The following EPG5 variants were observed in gnomAD, a reference collection of about 807,000 sequenced individuals.
The protein encoded by EPG5 is ectopic P-granules 5 autophagy tethering factor.
A neutral mutation model predicts 302.7 loss-of-function variants in EPG5; 159 were observed. The observed-to-expected ratio is 0.53, with a 90% CI of 0.46 to 0.60. The LOEUF (loss-of-function observed/expected upper bound fraction) is 0.60, where lower values mean the gene tolerates loss of function less well. Among genes scored for constraint, EPG5 ranks in the 20% least tolerant of loss-of-function variants. The probability of loss-of-function intolerance (pLI) is 0.00; values close to 1 mark genes in which losing one functional copy is unlikely to be tolerated. For synonymous variants in EPG5, 1,158 were observed against 1,136.8 expected (o/e 1.02, Z -0.37); for missense variants, 2,896 against 3,092.4 (o/e 0.94, Z 1.51).
chr18:45,867,443 G>A, intron 37 of EPG5, 120 bp downstream of exon 37: 3 of 775,850 alleles, frequency 3.9e-6, no homozygotes, highest in Middle Eastern at 5.9e-4. Context: ...CATCTCATAT[G>A]CCAAGCATCT....
intron 2 of EPG5, 65 bp from the exon 3 acceptor site, chr18:45,952,708 G>A: frequency 1.9e-6 from 3 of 1,559,660 alleles, no homozygotes; most frequent in Admixed American, 1.7e-5. Flanking sequence ...TAAGCAGGCA[G>A]CAAGTATAAG....
At chr18:45,928,349 A>C (rs2145802608) in intron 13 of EPG5, among the ~76,000 whole-genome samples, 1 of 152,318 alleles carries the variant, frequency 6.6e-6, no homozygotes, top group Admixed American at 6.5e-5. Flanking sequence ...AAATAGGTAA[A>C]TTGTATGGTA....
At position 45,925,808 on chromosome 18, in the gene EPG5, T is replaced by G. The variant is rs767545552; in HGVS notation, c.2648A>C (p.Asn883Thr). 6.3e-7 allele frequency: 1 copy of G among 1,579,524 alleles called. No homozygotes were observed. The highest frequency in any genetic ancestry group is 1.4e-5 in the African/African-American group (1 of 73,244). The change falls in exon 14 of 44, where the codon AAC becomes ACC. Residue 883 changes from asparagine (N) to threonine (T), a missense_variant. Coordinates refer to ENST00000282041, the MANE Select transcript of EPG5 (RefSeq NM_020964.3). ...CAGTTTATTCTTCACCACTGTCAGG[T>G]TGTAATTCAATAACCAATCCCGAAT... ...AVIRDWLLNY[N>T]LTVVKNKLAC... is the part of the protein sequence containing the mutation.
chr18:45,949,770 A>G (rs1445874432), intron 4 of EPG5, among the ~76,000 whole-genome samples, 179 bp from the exon 5 acceptor site: 2 of 152,268 alleles, frequency 1.3e-5, no homozygotes, highest in African/African-American at 4.8e-5. Context: ...TATGAGTACT[A>G]TGATAACATC....
intron 7 of EPG5, 36 bp from the exon 8 acceptor site, chr18:45,944,155 T>C: frequency 1.5e-6 from 2 of 1,317,740 alleles, no homozygotes; most frequent in Non-Finnish European, 2.2e-6. Flanking sequence ...TCAGCAGATT[T>C]GATCAGATCA....
At chr18:45,833,442 C>T in the EPG5 span, among the ~76,000 whole-genome samples, 37 of 152,102 alleles carry the variant, frequency 2.4e-4, no homozygotes, top group African/African-American at 8.5e-4. Flanking sequence ...CAGCCTCCTG[C>T]ATAGGGATTA....
At chr18:45,800,991 A>C in the EPG5 span, among the ~76,000 whole-genome samples, 1 of 151,970 alleles carries the variant, frequency 6.6e-6, no homozygotes, top group Admixed American at 6.6e-5. Flanking sequence ...ACTTTCTTAA[A>C]TTTTTTTGTT....
chr18:45,855,865 T>A (rs978828554), intron 42 of EPG5, among the ~76,000 whole-genome samples, 178 bp from the exon 43 acceptor site: 1 of 152,194 alleles, frequency 6.6e-6, no homozygotes, highest in African/African-American at 2.4e-5. Flanking sequence ...ATTATCACCA[T>A]CCAAACAATA....
chr18:45,811,001 C>T, the EPG5 span, among the ~76,000 whole-genome samples: 1 of 152,122 alleles, frequency 6.6e-6, no homozygotes, highest in Admixed American at 6.6e-5. Flanking sequence ...TATTGGCATA[C>T]AAGAGACATA....
chr18:45,912,539 A>T (rs1326072157), intron 21 of EPG5, 83 bp from the exon 22 acceptor site: 1 of 1,275,262 alleles, frequency 7.8e-7, no homozygotes, highest in Non-Finnish European at 1.1e-6. Context: ...TCCAACTGAA[A>T]CACCAAACAT....
At chr18:45,898,377 T>C (rs184647187) in intron 27 of EPG5, among the ~76,000 whole-genome samples, 1 of 152,218 alleles carries the variant, frequency 6.6e-6, no homozygotes, top group East Asian at 1.9e-4. Context: ...CCTTGCAGAG[T>C]TGTTGTGAGG....
chr18:45,964,078 A>G (rs2051200535), intron 1 of EPG5, among the ~76,000 whole-genome samples: 1 of 152,242 alleles, frequency 6.6e-6, no homozygotes, highest in South Asian at 2.1e-4. Flanking sequence ...TAACAAAAAA[A>G]AATTAATGTA....
chr18:45,913,641 T>G (rs2049962331), intron 21 of EPG5, 65 bp downstream of exon 21: 3 of 1,584,990 alleles, frequency 1.9e-6, no homozygotes. Context: ...AAGCTACGGG[T>G]GAATCCATCA....
intron 24 of EPG5, among the ~76,000 whole-genome samples, chr18:45,906,087 C>G (rs2049743520): frequency 6.6e-6 from 1 of 152,152 alleles, no homozygotes. Context: ...CCGACTTTGC[C>G]TCATTCCTGA....
chr18:45,916,650 T>C, intron 17 of EPG5, 68 bp from the exon 18 acceptor site: 1 of 1,460,712 alleles, frequency 6.8e-7, no homozygotes, highest in Non-Finnish European at 9.1e-7. Context: ...CCCTAATTAC[T>C]TATGAGGAAA....
chr18:45,944,716 T>C (rs1215702703), intron 7 of EPG5, among the ~76,000 whole-genome samples: 3 of 152,030 alleles, frequency 2.0e-5, no homozygotes, highest in Non-Finnish European at 2.9e-5. Context: ...GATCACACCA[T>C]TGCACTCCAG....
At chr18:45,956,121 C>T (rs1026830702) in intron 1 of EPG5, among the ~76,000 whole-genome samples, 8 of 152,164 alleles carry the variant, frequency 5.3e-5, no homozygotes, top group African/African-American at 1.9e-4. Context: ...GAAGATAATG[C>T]CTTAACCAAA....
the EPG5 span, among the ~76,000 whole-genome samples, chr18:45,837,260 G>T: frequency 6.6e-6 from 1 of 152,244 alleles, no homozygotes; most frequent in African/African-American, 2.4e-5. Context: ...ATAGTCCCAG[G>T]GAAGAGCCGC....
rs747189808 is a variant in EPG5, at chr18:45,852,515, G to C, written c.7692C>G (p.Leu2564=). The change falls in exon 44 of 44, where the codon CTC becomes CTG. Residue 2564 remains leucine (L), a synonymous_variant. Transcript: ENST00000282041. Reference sequence around the variant, plus strand: ...GCACTTCTGGATACAGACAGTTAACGAGAAGAGCCAAGAAGCTTTTCCCAT... The same window carrying C: ...GCACTTCTGGATACAGACAGTTAACCAGAAGAGCCAAGAAGCTTTTCCCAT... ...LQDGKSFLAL[L]VNCLYPEVHY... 1 of 1,614,204 alleles carries C rather than the reference G, an allele frequency of 6.2e-7. No individual in the cohort carries two copies. Among genetic ancestry groups the C allele is most frequent in the Non-Finnish European group, 8.5e-7 (1 of 1,180,030 alleles).
Sources: allele counts gnomAD v4.1 joint callset (sites outside exome capture counted in the v4.1 genomes callset), GRCh38; gene constraint gnomAD v4.1.1; transcripts MANE v1.5; gene names NCBI Gene and HGNC (gene_info 2026-07-23, HGNC 2026-07-21).